ARHGAP32: variants seen among roughly 807,000 people sequenced by gnomAD.
ARHGAP32 encodes the protein Rho GTPase activating protein 32.
A neutral mutation model predicts 186.5 loss-of-function variants in ARHGAP32; 51 were observed. That is an observed-to-expected ratio of 0.27 (90% CI 0.22 to 0.35). The LOEUF is 0.35. ARHGAP32 is among the 10% of genes least tolerant of loss of function. The pLI is 1.00. For missense variants in ARHGAP32, 2,186 were observed against 2,623.5 expected, an observed-to-expected ratio of 0.83 and a Z score of 3.64; for synonymous variants, 950 against 964.3, an observed-to-expected ratio of 0.99 and a Z score of 0.27.
intron 6 of ARHGAP32, among the ~76,000 whole-genome samples, chr11:129,092,176 T>C (rs1941595650): frequency 6.6e-6 from 1 of 152,048 alleles, no homozygotes; most frequent in South Asian, 2.1e-4. Flanking sequence ...GTTATAATAT[T>C]TGGTACCAAA....
chr11:129,030,095 G>C (rs570005935), intron 11 of ARHGAP32, among the ~76,000 whole-genome samples: 2 of 152,122 alleles, frequency 1.3e-5, no homozygotes, highest in East Asian at 1.9e-4. Context: ...TCTTTCATCA[G>C]TGCCTCTGAA....
At position 128,972,915 on chromosome 11, in the gene ARHGAP32, A is replaced by T. The variant is rs1180370831; in HGVS notation, c.3591T>A (p.Pro1197=). 6.2e-7 allele frequency: 1 copy of T among 1,613,926 alleles called. No individual in the cohort carries two copies. The highest frequency in any genetic ancestry group is 1.3e-5 in the African/African-American group (1 of 74,866). The change falls in exon 22 of 23, where the codon CCT becomes CCA. Residue 1197 remains proline (P), a synonymous_variant. Transcript: ENST00000682385. ...SEKSDDHVSF[P]EDQSGKNSMP... ...TACTGTTCTTCCCAGACTGGTCTTC[A>T]GGGAAACTTACATGATCATCAGACT...
At chr11:129,231,693 A>G (rs1244600244) in intron 1 of ARHGAP32, among the ~76,000 whole-genome samples, 6 of 152,156 alleles carry the variant, frequency 3.9e-5, no homozygotes, top group African/African-American at 1.4e-4. Context: ...ACTGAAGACA[A>G]CTTTGAAGGG....
intron 10 of ARHGAP32, among the ~76,000 whole-genome samples, chr11:129,052,947 G>A (rs1224970340): frequency 6.6e-6 from 1 of 151,682 alleles, no homozygotes; most frequent in African/African-American, 2.4e-5. Context: ...GGGGTATTAG[G>A]GTTTAATAAG....
chr11:129,219,890 T>C (rs1251025452), intron 1 of ARHGAP32, among the ~76,000 whole-genome samples: 1 of 151,872 alleles, frequency 6.6e-6, no homozygotes, highest in Non-Finnish European at 1.5e-5. Context: ...TCATTCTCAA[T>C]CCCACATAAT....
intron 1 of ARHGAP32, among the ~76,000 whole-genome samples, chr11:129,270,858 T>A (rs906586337): frequency 3.9e-5 from 6 of 152,094 alleles, no homozygotes; most frequent in Non-Finnish European, 7.4e-5. Flanking sequence ...TTGGACCACA[T>A]AATTTTTTGC....
At chr11:129,214,516 G>A (rs2135596909) in intron 1 of ARHGAP32, among the ~76,000 whole-genome samples, 1 of 152,224 alleles carries the variant, frequency 6.6e-6, no homozygotes, top group African/African-American at 2.4e-5. Context: ...CTATCTAAGG[G>A]GTGGTCTCAC....
chr11:129,246,751 T>A (rs1945104004), intron 1 of ARHGAP32, among the ~76,000 whole-genome samples: 1 of 152,226 alleles, frequency 6.6e-6, no homozygotes, highest in African/African-American at 2.4e-5. Flanking sequence ...TTCGACCTTC[T>A]ATCTCTGTAG....
intron 1 of ARHGAP32, among the ~76,000 whole-genome samples, chr11:129,214,316 G>GT (rs2135596634): frequency 6.6e-6 from 1 of 152,296 alleles, no homozygotes; most frequent in South Asian, 2.1e-4. Flanking sequence ...CCACACTAAT[G>GT]TAAGATGTTA....
At position 129,184,939 on chromosome 11, in the gene ARHGAP32, A is replaced by G. The variant is rs564965122; in HGVS notation, c.116+7144T>C. 2.8e-4 allele frequency among the ~76,000 whole-genome samples: 43 copies of G among 152,298 alleles called. 1 individual carries two copies. The highest frequency in any genetic ancestry group is 1.4e-3 in the Admixed American group (22 of 15,290). On this transcript the variant is annotated intron_variant, in intron 1 of 22. Transcript: ENST00000682385. ...AATACAAATGATCCAAAACTGATACATTAAGATAGAATGTGATACAGAGAA... is the reference window on the plus strand; with the variant it reads ...AATACAAATGATCCAAAACTGATACGTTAAGATAGAATGTGATACAGAGAA...
intron 6 of ARHGAP32, among the ~76,000 whole-genome samples, chr11:129,067,888 T>A (rs1358653142): frequency 6.6e-6 from 1 of 152,060 alleles, no homozygotes; most frequent in Non-Finnish European, 1.5e-5. Flanking sequence ...TAAACTTGCA[T>A]AATCCCACTT....
chr11:128,989,516 T>A (rs522456), intron 12 of ARHGAP32, among the ~76,000 whole-genome samples: 16,246 of 139,004 alleles, frequency 0.12, 1,172 homozygotes, highest in Non-Finnish European at 0.16. Context: ...GTTTTTTATT[T>A]CACACACACA....
At chr11:129,020,280 T>C (rs1219657149) in intron 11 of ARHGAP32, among the ~76,000 whole-genome samples, 1 of 152,086 alleles carries the variant, frequency 6.6e-6, no homozygotes, top group Non-Finnish European at 1.5e-5. Flanking sequence ...ATTAAGCATA[T>C]TAGGTTTAAC....
chr11:129,005,707 A>T (rs1216897644), intron 11 of ARHGAP32, among the ~76,000 whole-genome samples: 1 of 152,094 alleles, frequency 6.6e-6, no homozygotes, highest in East Asian at 1.9e-4. Context: ...CAGTATTATT[A>T]TTAAAATGTC....
chr11:129,236,393 C>G (rs533725385), intron 1 of ARHGAP32, among the ~76,000 whole-genome samples: 2 of 152,212 alleles, frequency 1.3e-5, no homozygotes, highest in South Asian at 4.1e-4. Flanking sequence ...TATCCATGTC[C>G]TTAGCCCACT....
intron 2 of ARHGAP32, among the ~76,000 whole-genome samples, chr11:129,138,363 T>C (rs1942982312): frequency 6.6e-6 from 1 of 151,274 alleles, no homozygotes; most frequent in Non-Finnish European, 1.5e-5. Context: ...AGGGAAATAT[T>C]TGTATCCCTA....
chr11:129,021,172 C>G (rs1015193039), intron 11 of ARHGAP32, among the ~76,000 whole-genome samples: 8 of 151,908 alleles, frequency 5.3e-5, no homozygotes, highest in Admixed American at 3.9e-4. Context: ...GTAGACATTT[C>G]AAAAGGCATT....
chr11:129,146,679 C>T (rs1279465951), intron 2 of ARHGAP32, among the ~76,000 whole-genome samples: 1 of 151,474 alleles, frequency 6.6e-6, no homozygotes, highest in African/African-American at 2.4e-5. Context: ...AGGATAGAGC[C>T]CCATTTTAGG....
intron 1 of ARHGAP32, among the ~76,000 whole-genome samples, chr11:129,207,929 A>C (rs762337739): frequency 4.6e-5 from 7 of 152,130 alleles, no homozygotes; most frequent in Non-Finnish European, 8.8e-5. Flanking sequence ...CTTGTAACCA[A>C]AATGGGCTCT....
Sources: allele counts gnomAD v4.1 joint callset (sites outside exome capture counted in the v4.1 genomes callset), GRCh38; gene constraint gnomAD v4.1.1; transcripts MANE v1.5; gene names NCBI Gene and HGNC (gene_info 2026-07-23, HGNC 2026-07-21).